Variants in TBC1D9 observed in about 807,000 individuals in gnomAD.
TBC1D9 encodes TBC1 domain family member 9A.
TBC1D9 carries 63 observed loss-of-function variants against 132.0 expected under a neutral mutation model. The ratio of observed to expected loss-of-function variants is 0.48; its 90% CI spans 0.39 to 0.59. TBC1D9 has a LOEUF of 0.59. TBC1D9 is among the 20% of genes least tolerant of loss of function. TBC1D9 has a pLI of 0.00. For synonymous variants in TBC1D9, 610 were observed against 609.9 expected, an observed-to-expected ratio of 1.00 and a Z score of 0.00; for missense variants, 1,261 against 1,592.7, an observed-to-expected ratio of 0.79 and a Z score of 3.54.
intron 1 of TBC1D9, among the ~76,000 whole-genome samples, chr4:140,741,176 T>C (rs1248726778): frequency 6.6e-6 from 1 of 152,118 alleles, no homozygotes; most frequent in Admixed American, 6.5e-5. Context: ...AGATTCTTTG[T>C]AGGAAGAAGA....
chr4:140,701,545 T>A lies in TBC1D9; in HGVS notation c.200A>T (p.Tyr67Phe). 6.2e-7 allele frequency: 1 copy of A among 1,613,928 alleles called. No homozygotes were observed. The highest frequency in any genetic ancestry group is 8.5e-7 in the Non-Finnish European group (1 of 1,179,866). Residue 67 changes from tyrosine to phenylalanine, a missense_variant, in exon 2 of 21, where the codon TAC becomes TTC. Tyr to Phe is a conservative substitution (Grantham distance 22). Coordinates refer to ENST00000442267, the MANE Select transcript of TBC1D9 (RefSeq NM_015130.3). The stretch of plus-strand genomic sequence containing the variant: ...GTAGACCAGGGAGTCTGGAGTCTGG[T>A]ACAAGATTCGGTAAGGAGCGACCCG... ...SARVAPYRIL[Y>F]QTPDSLVYWT...
At chr4:140,735,619 G>A (rs185671495) in intron 1 of TBC1D9, among the ~76,000 whole-genome samples, 40 of 152,268 alleles carry the variant, frequency 2.6e-4, no homozygotes, top group African/African-American at 9.1e-4. Context: ...ACTGAGGCAG[G>A]AGAATCACTT....
intron 1 of TBC1D9, among the ~76,000 whole-genome samples, chr4:140,714,935 A>G (rs1238687281): frequency 6.6e-6 from 1 of 152,150 alleles, no homozygotes; most frequent in East Asian, 1.9e-4. Context: ...AGCTCGGGCA[A>G]CACAGTGAGA....
At chr4:140,737,610 G>A (rs551389736) in intron 1 of TBC1D9, among the ~76,000 whole-genome samples, 1 of 152,134 alleles carries the variant, frequency 6.6e-6, no homozygotes, top group Non-Finnish European at 1.5e-5. Flanking sequence ...TTATCATTTT[G>A]TAGTCACAGA....
intron 6 of TBC1D9, among the ~76,000 whole-genome samples, chr4:140,674,323 C>G (rs930279930): frequency 6.6e-6 from 1 of 152,180 alleles, no homozygotes; most frequent in Non-Finnish European, 1.5e-5. Context: ...GACCCTACGA[C>G]AAGGAGAGCT....
chr4:140,728,336 T>A (rs994530017), intron 1 of TBC1D9, among the ~76,000 whole-genome samples: 26 of 150,312 alleles, frequency 1.7e-4, no homozygotes, highest in African/African-American at 5.4e-4. Flanking sequence ...AAGGGGAAAA[T>A]AAACAGAATT....
intron 1 of TBC1D9, among the ~76,000 whole-genome samples, chr4:140,722,631 C>G (rs1280231614): frequency 6.6e-6 from 1 of 152,146 alleles, no homozygotes; most frequent in Non-Finnish European, 1.5e-5. Flanking sequence ...CACTAAAATT[C>G]TGACCTAATG....
chr4:140,628,641 T>C (rs934359626), intron 16 of TBC1D9, among the ~76,000 whole-genome samples: 1 of 152,200 alleles, frequency 6.6e-6, no homozygotes, highest in Non-Finnish European at 1.5e-5. Context: ...CTACCAGTGA[T>C]CTTGATGTCA....
intron 3 of TBC1D9, 117 bp from the exon 4 acceptor site, chr4:140,679,960 T>C: frequency 1.3e-6 from 1 of 762,794 alleles, no homozygotes; most frequent in Non-Finnish European, 2.0e-6. Flanking sequence ...AGGAATGCCC[T>C]TCAATGGCAA....
In TBC1D9 at chr4:140,670,743, T is replaced by A; in HGVS notation, c.1243A>T (p.Ser415Cys). Residue 415 changes from serine to cysteine, a missense_variant, in exon 7 of 21, where the codon AGT becomes TGT. Physicochemically the swap from Ser to Cys is moderately radical, Grantham distance 112. Coordinates refer to ENST00000442267, the MANE Select transcript of TBC1D9 (RefSeq NM_015130.3). ...ACCTCATCATCTGAACTGTTGTAAC[T>A]TCCTGCAAACTCCTTGTCAGAATAT... ...KIYSDKEFAG[S>C]YNSSDDEVYS... 3 of 1,613,908 alleles carry A rather than the reference T, an allele frequency of 1.9e-6. No individual in the cohort carries two copies. Among genetic ancestry groups the A allele is most frequent in the Non-Finnish European group, 2.5e-6 (3 of 1,179,886 alleles).
At chr4:140,696,787 T>C (rs1417221604) in intron 2 of TBC1D9, among the ~76,000 whole-genome samples, 1 of 152,206 alleles carries the variant, frequency 6.6e-6, no homozygotes, top group Non-Finnish European at 1.5e-5. Context: ...TCAAGGTTTA[T>C]AGAAAAAGGT....
intron 1 of TBC1D9, among the ~76,000 whole-genome samples, chr4:140,746,305 C>G (rs1738835100): frequency 6.6e-6 from 1 of 152,162 alleles, no homozygotes; most frequent in African/African-American, 2.4e-5. Flanking sequence ...GTCTCCATCT[C>G]TTGAGATATT....
In TBC1D9 at chr4:140,685,602, G is replaced by A. The variant is rs577238900; in HGVS notation, c.360+742C>T. On this transcript the variant is annotated intron_variant, in intron 3 of 20. Coordinates refer to ENST00000442267, the MANE Select transcript of TBC1D9 (RefSeq NM_015130.3). ...GATAATTACCTGTACTGGAGTGGGG[G>A]TGGGGAAGGCTATAAAGGGCATTAA... Among the ~76,000 whole-genome samples the A allele has an allele frequency of 3.9e-5, 6 of 152,238 alleles. 1 individual carries two copies. The East Asian group carries it at 9.6e-4, about 24-fold the overall frequency.
chr4:140,740,448 A>G (rs1738741723), intron 1 of TBC1D9, among the ~76,000 whole-genome samples: 1 of 152,202 alleles, frequency 6.6e-6, no homozygotes, highest in African/African-American at 2.4e-5. Flanking sequence ...GGAGAAAGAC[A>G]AGGTTCATTT....
Position 140,622,497 on chromosome 4 carries a change from C to A in TBC1D9, c.3499G>T (p.Val1167Leu), listed in dbSNP as rs1230431177. The change falls in exon 21 of 21, where the codon GTG becomes TTG. Residue 1167 changes from valine to leucine, a missense_variant. Around this residue, in one of 3 missense-constraint regions of TBC1D9, gnomAD observed 618 missense variants for 724.4 expected, o/e 0.85. Coordinates refer to ENST00000442267, the MANE Select transcript of TBC1D9 (RefSeq NM_015130.3). ...TCCTCGTGGGAGCCGGCACTCAGCA[C>A]CGAGTATGAGGACATGGAGCTGTCG... The part of the protein sequence containing the change: ...KDDSSMSSYS[V>L]LSAGSHEEDK... 5 of 1,613,962 alleles carry A rather than the reference C, an allele frequency of 3.1e-6. No homozygotes were observed. Among genetic ancestry groups the A allele is most frequent in the Non-Finnish European group, 4.2e-6 (5 of 1,179,918 alleles).
At chr4:140,732,597 T>C (rs1169248670) in intron 1 of TBC1D9, among the ~76,000 whole-genome samples, 1 of 152,220 alleles carries the variant, frequency 6.6e-6, no homozygotes, top group Non-Finnish European at 1.5e-5. Flanking sequence ...TTTAATTAAC[T>C]GAAATGAAAT....
rs532599932 is a variant in TBC1D9, at chr4:140,739,848, A to T, written c.130+16068T>A. Among the ~76,000 whole-genome samples the T allele has an allele frequency of 3.0e-4, 45 of 152,196 alleles. No individual in the cohort carries two copies. In the Middle Eastern group the frequency reaches 0.014, roughly 46 times the overall value. ...AGACCCTATCATATTGAAAAAAAAA[A>T]TTTTTTTTAAACAGAAGCATTAAAA... On this transcript the variant is annotated intron_variant, in intron 1 of 20. Transcript: ENST00000442267.
intron 18 of TBC1D9, among the ~76,000 whole-genome samples, chr4:140,626,327 G>C (rs1459443527): frequency 3.3e-5 from 5 of 152,224 alleles, no homozygotes; most frequent in Non-Finnish European, 1.5e-5. Context: ...GCTCACATAG[G>C]AACCTGCCTG....
At chr4:140,718,593 T>A (rs1341748966) in intron 1 of TBC1D9, among the ~76,000 whole-genome samples, 1 of 152,186 alleles carries the variant, frequency 6.6e-6, no homozygotes, top group African/African-American at 2.4e-5. Context: ...ATTACCAACA[T>A]GGCTATTTTC....
Sources: allele counts gnomAD v4.1 joint callset (sites outside exome capture counted in the v4.1 genomes callset), GRCh38; gene constraint gnomAD v4.1.1; regional missense constraint gnomAD v4.1.1; transcripts MANE v1.5; gene names NCBI Gene and HGNC (gene_info 2026-07-23, HGNC 2026-07-21).